The following TJP2 variants were observed in gnomAD, a reference collection of about 807,000 sequenced individuals.
The protein encoded by TJP2 is Friedreich ataxia region gene X104 (tight junction protein ZO-2).
Under a neutral mutation model 133.1 loss-of-function variants are expected in TJP2, and 91 were observed. That is an observed-to-expected ratio of 0.68 (90% CI 0.58 to 0.81). The LOEUF (loss-of-function observed/expected upper bound fraction) is 0.81, where lower values mean the gene tolerates loss of function less well. Ranked by LOEUF, TJP2 falls within the 40% of genes least tolerant of loss-of-function variation. The pLI is 0.00. For synonymous variants in TJP2, 592 were observed against 583.4 expected (o/e 1.01, Z -0.21); for missense variants, 1,541 against 1,565.6 (o/e 0.98, Z 0.26).
intron 2 of TJP2, among the ~76,000 whole-genome samples, chr9:69,163,757 C>T (rs557578721): frequency 6.6e-5 from 10 of 152,094 alleles, no homozygotes; most frequent in Admixed American, 3.3e-4. Context: ...TACAGGCGTG[C>T]GTGAGCTGCC....
chr9:69,177,715 G>C (rs1416229896), intron 1 of TJP2, among the ~76,000 whole-genome samples: 2 of 151,876 alleles, frequency 1.3e-5, no homozygotes, highest in Admixed American at 1.3e-4. Context: ...TGCGGTCTTG[G>C]CTCACTGCAA....
chr9:69,129,527 C>T (rs1822396526), intron 1 of TJP2, among the ~76,000 whole-genome samples: 1 of 151,854 alleles, frequency 6.6e-6, no homozygotes, highest in East Asian at 1.9e-4. Flanking sequence ...AAAAAAAAAC[C>T]CCGTCAATTC....
Position 69,251,086 on chromosome 9 carries a change from T to C in TJP2, c.3043T>C (p.Tyr1015His), listed in dbSNP as rs1044823000. The C allele has an allele frequency of 7.4e-6, 12 of 1,614,050 alleles. No homozygotes were observed. The highest frequency in any genetic ancestry group is 2.2e-5 in the East Asian group (1 of 44,900). The change falls in exon 21 of 23, where the codon TAT becomes CAT. Residue 1015 changes from tyrosine to histidine, a missense_variant. Coordinates refer to ENST00000377245, the MANE Select transcript of TJP2 (RefSeq NM_004817.4). ...CTATGACTTCTCCAAATCCTATGAATATAAGTCAAACCCCTCTGCCGTTGC... is the reference window on the plus strand; with the variant it reads ...CTATGACTTCTCCAAATCCTATGAACATAAGTCAAACCCCTCTGCCGTTGC... ...ESYDFSKSYE[Y>H]KSNPSAVAGN... is the part of the protein sequence containing the mutation.
intron 1 of TJP2, among the ~76,000 whole-genome samples, chr9:69,183,095 C>T (rs1466396729): frequency 2.6e-5 from 4 of 151,952 alleles, no homozygotes; most frequent in Non-Finnish European, 5.9e-5. Flanking sequence ...TTGTGCCTGG[C>T]CAGGGAATTT....
At chr9:69,175,044 C>G (rs368147976) in intron 1 of TJP2, among the ~76,000 whole-genome samples, 1 of 151,398 alleles carries the variant, frequency 6.6e-6, no homozygotes, top group African/African-American at 2.4e-5. Flanking sequence ...CTTCATTTGT[C>G]AAGTTTCTGC....
At chr9:69,227,908 T>C (rs1368575594) in intron 8 of TJP2, 35 bp downstream of exon 8, 3 of 1,609,122 alleles carry the variant, frequency 1.9e-6, no homozygotes, top group Non-Finnish European at 2.6e-6. Flanking sequence ...GTACATGTCA[T>C]TGTGAATGTA....
At chr9:69,164,307 G>C (rs1387825679) in intron 2 of TJP2, among the ~76,000 whole-genome samples, 1 of 152,048 alleles carries the variant, frequency 6.6e-6, no homozygotes, top group African/African-American at 2.4e-5. Flanking sequence ...AGCCGATTCT[G>C]GTGATAAGTT....
chr9:69,202,691 T>C (rs964778795), intron 1 of TJP2, among the ~76,000 whole-genome samples: 2 of 152,176 alleles, frequency 1.3e-5, no homozygotes, highest in African/African-American at 4.8e-5. Flanking sequence ...ATCCTGATTG[T>C]CTTCATGTTG....
chr9:69,251,245 A>C lies in TJP2; in HGVS notation c.3202A>C (p.Ser1068Arg). Reference sequence around the variant, plus strand: ...AGAGGGTGAGGAGGTGGGAGAGAGCAGTGAGGAGCAAGATAATGCTCCCAA... The same window carrying C: ...AGAGGGTGAGGAGGTGGGAGAGAGCCGTGAGGAGCAAGATAATGCTCCCAA... The part of the protein sequence containing the change: ...PQEGEEVGES[S>R]EEQDNAPKSV... The change falls in exon 21 of 23, where the codon AGT (serine) becomes CGT (arginine). Residue 1068 changes from serine to arginine, a missense_variant. Coordinates refer to ENST00000377245, the MANE Select transcript of TJP2 (RefSeq NM_004817.4). The C allele has an allele frequency of 6.2e-7, 1 of 1,614,184 alleles. No individual in the cohort carries two copies. The highest frequency in any genetic ancestry group is 1.1e-5 in the South Asian group (1 of 91,084).
chr9:69,248,658 C>G (rs1219373652), intron 19 of TJP2: 2 of 1,053,050 alleles, frequency 1.9e-6, no homozygotes, highest in African/African-American at 3.3e-5. Flanking sequence ...TTGAGTGTTT[C>G]CCCATCAGTT....
chr9:69,247,688 G>A (rs1309325272), intron 18 of TJP2, among the ~76,000 whole-genome samples: 1 of 152,118 alleles, frequency 6.6e-6, no homozygotes, highest in African/African-American at 2.4e-5. Flanking sequence ...TAGGAGAGTG[G>A]TACCAGGAGA....
At chr9:69,249,613 CTA>C in intron 20 of TJP2, 128 bp downstream of exon 20, 4 of 1,531,384 alleles carry the variant, frequency 2.6e-6, no homozygotes, top group Non-Finnish European at 3.5e-6. Context: ...ACTGTGTTCT[CTA>C]TTAGAGCCTA....
At chr9:69,130,023 AAAAAAAAAAGAAAAAG>A (rs1433602349) in intron 1 of TJP2, among the ~76,000 whole-genome samples, 96 of 151,814 alleles carry the variant, frequency 6.3e-4, no homozygotes, top group Admixed American at 1.9e-3. Flanking sequence ...CTCAAAAAAA[AAAAAAAAAAGAAAAAG>A]AAAAAAAAGA....
Position 69,255,164 on chromosome 9 carries a change from GT to G in TJP2, c.*794del, listed in dbSNP as rs1831606926. ...TCCAAAAGCACATGTATTGACAACAGTTTTATAATTTAATAAAAAGGAATAC... is the reference window on the plus strand; with the variant it reads ...TCCAAAAGCACATGTATTGACAACAGTTTATAATTTAATAAAAAGGAATAC... On this transcript the variant is annotated 3_prime_UTR_variant, in exon 23 of 23. Coordinates refer to ENST00000377245, the MANE Select transcript of TJP2 (RefSeq NM_004817.4). 2.0e-5 allele frequency: 3 copies of G among 152,256 alleles called. No individual in the cohort carries two copies. The highest frequency in any genetic ancestry group is 7.2e-5 in the African/African-American group (3 of 41,462). The allele number at this position is 152,256 out of a possible 1,614,324, so 9.4% of individuals were successfully genotyped here. A position where few individuals can be genotyped will look rare whatever the true frequency, so the allele number is the denominator to read the frequency against.
intron 1 of TJP2, among the ~76,000 whole-genome samples, chr9:69,175,863 G>A (rs1412456829): frequency 6.6e-6 from 1 of 152,142 alleles, no homozygotes; most frequent in African/African-American, 2.4e-5. Context: ...AGCTACTTAT[G>A]CAGATTGATG....
chr9:69,226,567 T>C (rs9410791), intron 7 of TJP2, among the ~76,000 whole-genome samples: 59,496 of 152,056 alleles, frequency 0.39, 12,849 homozygotes, highest in Non-Finnish European at 0.48. Context: ...GGTACAATCT[T>C]GGCTCACTGC....
intron 2 of TJP2, among the ~76,000 whole-genome samples, chr9:69,154,641 A>G (rs1234259725): frequency 1.3e-5 from 2 of 150,898 alleles, no homozygotes; most frequent in Non-Finnish European, 3.0e-5. Context: ...AAAAAAAAAG[A>G]AGGCCAGGCA....
intron 18 of TJP2, among the ~76,000 whole-genome samples, chr9:69,247,117 A>C (rs944810881): frequency 2.0e-5 from 3 of 152,206 alleles, no homozygotes; most frequent in Non-Finnish European, 4.4e-5. Flanking sequence ...GGAAACTTAG[A>C]GTGCAGATGA....
At chr9:69,208,868 A>T (rs1305039432) in intron 1 of TJP2, among the ~76,000 whole-genome samples, 1 of 152,164 alleles carries the variant, frequency 6.6e-6, no homozygotes, top group Non-Finnish European at 1.5e-5. Context: ...TCCAAAGAAG[A>T]GTTGGCAAAT....
Sources: allele counts gnomAD v4.1 joint callset (sites outside exome capture counted in the v4.1 genomes callset), GRCh38; gene constraint gnomAD v4.1.1; transcripts MANE v1.5; gene names NCBI Gene and HGNC (gene_info 2026-07-23, HGNC 2026-07-21).